ANAPC1: variants seen among roughly 807,000 people sequenced by gnomAD.
The protein encoded by ANAPC1 is anaphase-promoting complex subunit 1.
In ANAPC1, 36 loss-of-function variants were observed where a neutral mutation model predicts 208.0. The observed-to-expected ratio is 0.17, with a 90% confidence interval of 0.13 to 0.23. The LOEUF is 0.23. ANAPC1 is among the 10% of genes least tolerant of loss of function. The pLI, the probability that ANAPC1 is intolerant of heterozygous loss-of-function variation, is 1.00. For missense variants in ANAPC1, 942 were observed against 2,011.6 expected, an observed-to-expected ratio of 0.47 and a Z score of 10.17; for synonymous variants, 378 against 695.2, an observed-to-expected ratio of 0.54 and a Z score of 7.18.
At chr2:111,843,820 C>CT (rs369036574) in intron 16 of ANAPC1, among the ~76,000 whole-genome samples, 18,254 of 85,966 alleles carry the variant, frequency 0.21, 2,787 homozygotes, top group Middle Eastern at 0.38. Flanking sequence ...CTGAAGACAG[C>CT]TTTTTTTTTT....
intron 6 of ANAPC1, 86 bp from the exon 7 acceptor site, chr2:111,868,182 GA>G (rs113054338): frequency 0.021 from 14,108 of 661,350 alleles, 315 homozygotes; most frequent in African/African-American, 0.091. Flanking sequence ...GAAATCTCCA[GA>G]TTACATGAGC....
rs1007698125 is a variant in ANAPC1, at chr2:111,884,082, C to T, written c.-165G>A. 2.0e-5 allele frequency: 3 copies of T among 152,384 alleles called. No homozygotes were observed. The highest frequency in any genetic ancestry group is 6.5e-5 in the Admixed American group (1 of 15,280). The allele number at this position is 152,384 out of a possible 1,614,324, so 9.4% of individuals were successfully genotyped here. A position where few individuals can be genotyped will look rare whatever the true frequency, so the allele number is the denominator to read the frequency against. Reference sequence around the variant, plus strand: ...GCAGCTTCTCATTCCCTCTCCCTCCCCTATTCTGGAGGAAGAACGGGCAAC... The same window carrying T: ...GCAGCTTCTCATTCCCTCTCCCTCCTCTATTCTGGAGGAAGAACGGGCAAC... On this transcript the variant is annotated 5_prime_UTR_variant, in exon 1 of 48. Coordinates refer to ENST00000341068, the MANE Select transcript of ANAPC1 (RefSeq NM_022662.4).
chr2:111,779,944 T>C (rs1216448017), intron 44 of ANAPC1: 8 of 260,282 alleles, frequency 3.1e-5, no homozygotes, highest in African/African-American at 9.3e-5. Flanking sequence ...GGTTATAATA[T>C]ACAGAGGAAA....
rs775509798 is a variant in ANAPC1 at position 111,824,926 on chromosome 2, G to C, written c.2812+40C>G. Reference sequence around the variant, plus strand: ...CCTTCCACTTCTAGCTAGTCTGGAGGAAGCACGGCCTAGTTAGGAGGTAAC... The same window carrying C: ...CCTTCCACTTCTAGCTAGTCTGGAGCAAGCACGGCCTAGTTAGGAGGTAAC... On this transcript the variant is annotated intron_variant, in intron 24 of 47. Coordinates refer to ENST00000341068, the MANE Select transcript of ANAPC1 (RefSeq NM_022662.4). 3 of 1,611,016 alleles carry C rather than the reference G, an allele frequency of 1.9e-6. No homozygotes were observed. The African/African-American group carries it at 4.0e-5, about 22-fold the overall frequency.
chr2:111,869,268 C>T (rs1308844799), intron 6 of ANAPC1, among the ~76,000 whole-genome samples: 1 of 151,470 alleles, frequency 6.6e-6, no homozygotes, highest in Non-Finnish European at 1.5e-5. Flanking sequence ...TTTTTTGACA[C>T]GGAGTTTTGC....
At chr2:111,846,023 AT>A (rs1558715248) in intron 16 of ANAPC1, among the ~76,000 whole-genome samples, 1 of 151,822 alleles carries the variant, frequency 6.6e-6, no homozygotes, top group Non-Finnish European at 1.5e-5. Flanking sequence ...AGGAATCTCT[AT>A]ATCAACTTGG....
At chr2:111,823,102 C>T (rs1287987614) in intron 24 of ANAPC1, among the ~76,000 whole-genome samples, 10 of 141,228 alleles carry the variant, frequency 7.1e-5, no homozygotes, top group East Asian at 6.5e-4. Flanking sequence ...CTCCTCCTCC[C>T]GGGTTCACGC....
downstream of ANAPC1, chr2:111,767,627 T>A (rs1484351130): frequency 1.5e-5 from 2 of 133,080 alleles, no homozygotes; most frequent in African/African-American, 6.1e-5. Flanking sequence ...TTAATATGTG[T>A]GCAAACAACT....
chr2:111,804,450 C>T (rs1172823188), intron 30 of ANAPC1, among the ~76,000 whole-genome samples: 9 of 122,412 alleles, frequency 7.4e-5, no homozygotes, highest in Non-Finnish European at 1.1e-4. Context: ...AGTTAAATGA[C>T]TTGAATCACT....
intron 13 of ANAPC1, 55 bp downstream of exon 13, chr2:111,856,559 T>A: frequency 6.8e-7 from 1 of 1,473,652 alleles, no homozygotes. Flanking sequence ...TTACAAATAT[T>A]CATGCAGGCA....
rs999061189 is a variant in ANAPC1, at chr2:111,768,556, T to A, written c.*735A>T. On this transcript the variant is annotated 3_prime_UTR_variant, in exon 48 of 48. Transcript: ENST00000341068. ...CGGCCGACTCCTCACTGTCTTCACA[T>A]GGCAGAGAGAGAAAGAAAAATCTCT... 1 of 150,046 alleles carries A rather than the reference T, an allele frequency of 6.7e-6. No homozygotes were observed. Among genetic ancestry groups the A allele is most frequent in the African/African-American group, 2.5e-5 (1 of 39,982 alleles). 9.3% of individuals were successfully genotyped at this position (150,046 alleles called of 1,614,324 possible).
intron 1 of ANAPC1, among the ~76,000 whole-genome samples, chr2:111,882,737 C>CA (rs11450941): frequency 0.057 from 6,458 of 114,220 alleles, 370 homozygotes; most frequent in African/African-American, 0.17. Flanking sequence ...AACTCCGTCT[C>CA]AAAAAAAAAA....
intron 8 of ANAPC1, among the ~76,000 whole-genome samples, chr2:111,864,512 T>A (rs1451503480): frequency 2.3e-5 from 3 of 132,736 alleles, no homozygotes; most frequent in African/African-American, 8.2e-5. Context: ...TGACCCAGGC[T>A]GGAGTGCAGT....
At position 111,846,836 on chromosome 2, in the gene ANAPC1, T is replaced by C. The variant is rs1278972368; in HGVS notation, c.1852+302A>G. On this transcript the variant is annotated intron_variant, in intron 16 of 47. Transcript: ENST00000341068. ...CCACCCGCCTCAGTCTCACAAAGTG[T>C]TGGGATTACAGGTGTGAGCCACCAT... Among the ~76,000 whole-genome samples the C allele has an allele frequency of 3.3e-5, 5 of 152,016 alleles. No individual in the cohort carries two copies. The East Asian group carries it at 9.7e-4, about 29-fold the overall frequency.
chr2:111,791,683 CA>C (rs1348370146), intron 38 of ANAPC1, among the ~76,000 whole-genome samples: 1 of 151,844 alleles, frequency 6.6e-6, no homozygotes, highest in East Asian at 1.9e-4. Flanking sequence ...ATTTAAATGT[CA>C]AAAACAGGCA....
chr2:111,827,520 T>TAA (rs147817958), intron 21 of ANAPC1, among the ~76,000 whole-genome samples: 1 of 151,856 alleles, frequency 6.6e-6, no homozygotes, highest in African/African-American at 2.4e-5. Context: ...AAACATCACA[T>TAA]AAAAAAAATT....
At chr2:111,810,303 G>C (rs575552193) in intron 28 of ANAPC1, among the ~76,000 whole-genome samples, 3 of 138,296 alleles carry the variant, frequency 2.2e-5, no homozygotes, top group Admixed American at 7.2e-5. Context: ...AAGTGAAGGT[G>C]GGGGGGGGTG....
chr2:111,799,117 A>T (rs1343244351), intron 34 of ANAPC1, among the ~76,000 whole-genome samples: 1 of 152,188 alleles, frequency 6.6e-6, no homozygotes, highest in South Asian at 2.1e-4. Flanking sequence ...AAAAATACAA[A>T]TTTTTTTAAA....
At chr2:111,844,733 T>C (rs1680961446) in intron 16 of ANAPC1, among the ~76,000 whole-genome samples, 1 of 152,236 alleles carries the variant, frequency 6.6e-6, no homozygotes, top group Non-Finnish European at 1.5e-5. Flanking sequence ...TGAGTTAACA[T>C]GCCTATTAAC....
Sources: allele counts gnomAD v4.1 joint callset (sites outside exome capture counted in the v4.1 genomes callset), GRCh38; gene constraint gnomAD v4.1.1; transcripts MANE v1.5; gene names NCBI Gene and HGNC (gene_info 2026-07-23, HGNC 2026-07-21).